The following MN1 variants were observed in gnomAD, a reference collection of about 807,000 sequenced individuals.
MN1 encodes transcriptional activator MN1.
In MN1, 19 loss-of-function variants were observed where a neutral mutation model predicts 86.9. The observed-to-expected ratio is 0.22, with a 90% confidence interval of 0.15 to 0.32. The LOEUF (loss-of-function observed/expected upper bound fraction) is 0.32, where lower values mean the gene tolerates loss of function less well. Ranked by LOEUF, MN1 falls within the 10% of genes least tolerant of loss-of-function variation. MN1 has a pLI of 1.00. For synonymous variants in MN1, 928 were observed against 849.6 expected (o/e 1.09, Z -1.60); for missense variants, 1,841 against 1,862.0 (o/e 0.99, Z 0.21).
At chr22:27,765,492 C>T (rs1457928706) in intron 1 of MN1, among the ~76,000 whole-genome samples, 1 of 152,234 alleles carries the variant, frequency 6.6e-6, no homozygotes, top group African/African-American at 2.4e-5. Flanking sequence ...TCAGCCACGT[C>T]AGGCAGGAGG....
intron 1 of MN1, among the ~76,000 whole-genome samples, chr22:27,790,301 A>G (rs5762355): frequency 0.2 from 30,178 of 152,216 alleles, 3,277 homozygotes; most frequent in Middle Eastern, 0.29. Flanking sequence ...CACACTTGGC[A>G]GGGTATCATC....
chr22:27,753,093 G>A (rs1932779901), intron 1 of MN1, among the ~76,000 whole-genome samples: 3 of 152,356 alleles, frequency 2.0e-5, no homozygotes, highest in South Asian at 4.1e-4. Context: ...ACTCAGCTTT[G>A]GGACCTGCAT....
intron 1 of MN1, among the ~76,000 whole-genome samples, chr22:27,752,841 C>T (rs1385111625): frequency 6.6e-6 from 1 of 152,204 alleles, no homozygotes; most frequent in Non-Finnish European, 1.5e-5. Context: ...GCTGAGGGAG[C>T]ACACCCAGAT....
intron 1 of MN1, among the ~76,000 whole-genome samples, chr22:27,751,870 C>T (rs926449200): frequency 8.5e-5 from 13 of 152,220 alleles, no homozygotes; most frequent in African/African-American, 3.1e-4. Context: ...AAGCGCTCCC[C>T]AGTGCTTTCC....
intron 1 of MN1, among the ~76,000 whole-genome samples, chr22:27,763,961 G>A (rs774750651): frequency 5.8e-4 from 88 of 152,158 alleles, no homozygotes; most frequent in Non-Finnish European, 1.1e-3. Context: ...AAGAGGAGGC[G>A]AGAGGAGCAC....
chr22:27,774,689 A>G (rs1932953972), intron 1 of MN1, among the ~76,000 whole-genome samples: 1 of 152,188 alleles, frequency 6.6e-6, no homozygotes, highest in Non-Finnish European at 1.5e-5. Flanking sequence ...CTTTCTGCGC[A>G]TGAACGGGTT....
rs766298323 is a variant in MN1, at chr22:27,799,833, G to T, written c.711C>A (p.Gly237=). Residue 237 remains glycine, a synonymous_variant, in exon 1 of 2, where the codon GGC becomes GGA. Coordinates refer to ENST00000302326, the MANE Select transcript of MN1 (RefSeq NM_002430.3). ...TGTCAAAATGTCCCGAGGGCGCCTC[G>T]CCCGGGTAATTGTATTCCAGCGAGT... The part of the protein sequence containing the change: ...AVDSLEYNYP[G]EAPSGHFDMF... The T allele has an allele frequency of 6.3e-7, 1 of 1,597,448 alleles. No individual in the cohort carries two copies. The highest frequency in any genetic ancestry group is 1.1e-5 in the South Asian group (1 of 89,070).
intron 1 of MN1, among the ~76,000 whole-genome samples, chr22:27,781,382 T>C (rs901131064): frequency 9.2e-5 from 14 of 152,150 alleles, no homozygotes; most frequent in Admixed American, 3.9e-4. Flanking sequence ...CCTCCACCCA[T>C]CAGGGACCCA....
intron 1 of MN1, among the ~76,000 whole-genome samples, chr22:27,762,661 C>T (rs11090514): frequency 0.043 from 6,504 of 152,126 alleles, 207 homozygotes; most frequent in East Asian, 0.15. Context: ...GGATGCTGTA[C>T]CTCTCTGAGC....
intron 1 of MN1, among the ~76,000 whole-genome samples, chr22:27,760,113 A>G (rs1476293667): frequency 6.6e-6 from 1 of 152,130 alleles, no homozygotes; most frequent in Non-Finnish European, 1.5e-5. Flanking sequence ...ACTTTGTGAG[A>G]CCAAGGTGGG....
chr22:27,764,248 C>G (rs1242261107), intron 1 of MN1, among the ~76,000 whole-genome samples: 1 of 152,180 alleles, frequency 6.6e-6, no homozygotes, highest in Non-Finnish European at 1.5e-5. Flanking sequence ...AGAAACATAG[C>G]CCCTTATTGA....
At chr22:27,771,918 A>T (rs1435766938) in intron 1 of MN1, among the ~76,000 whole-genome samples, 1 of 152,224 alleles carries the variant, frequency 6.6e-6, no homozygotes, top group Non-Finnish European at 1.5e-5. Flanking sequence ...CTGGGGAGGA[A>T]ATCCTATACC....
chr22:27,798,855 C>T lies in MN1; in HGVS notation c.1689G>A (p.Ser563=), dbSNP rs1417150225. ...GGCGCAGCCGCTGCTGCTGATTCCG[C>T]GACGCCATCTGCTTAATCATGAGGG... ...NAALMIKQMA[S]RNQQQRLRQP... The change falls in exon 1 of 2, where the codon TCG becomes TCA. Residue 563 remains serine (S), a synonymous_variant. Transcript: ENST00000302326. 6.5e-7 allele frequency: 1 copy of T among 1,543,324 alleles called. No homozygotes were observed.
At chr22:27,795,510 G>A in intron 1 of MN1, among the ~76,000 whole-genome samples, 1 of 151,926 alleles carries the variant, frequency 6.6e-6, no homozygotes, top group African/African-American at 2.4e-5. Context: ...GGCAAGAATT[G>A]CACTGGGGGG....
chr22:27,751,207 C>T, intron 1 of MN1, 111 bp from the exon 2 acceptor site: 4 of 772,688 alleles, frequency 5.2e-6, no homozygotes, highest in Non-Finnish European at 7.7e-6. Flanking sequence ...TCCACGCCCT[C>T]TTTCCATGGC....
chr22:27,751,086 G>A lies in MN1; in HGVS notation c.3792C>T (p.Leu1264=). ...QNPNSKEAHD[L]PANKASASQP... ...GGGATGCTGAGGCCTTGTTTGCAGG[G>A]AGGTCGTGGGCTGTGGAGAGAGAAG... Residue 1264 remains leucine (L), a synonymous_variant, in exon 2 of 2, where the codon CTC becomes CTT. Transcript: ENST00000302326. 2 of 1,583,618 alleles carry A rather than the reference G, an allele frequency of 1.3e-6. No individual in the cohort carries two copies. Among genetic ancestry groups the A allele is most frequent in the Non-Finnish European group, 1.7e-6 (2 of 1,160,630 alleles).
intron 1 of MN1, among the ~76,000 whole-genome samples, chr22:27,763,915 C>T (rs3819655): frequency 1.3e-5 from 2 of 152,224 alleles, no homozygotes. Flanking sequence ...ACAGAGGAGG[C>T]GGTGTGCAAG....
chr22:27,780,522 C>T (rs77731228), intron 1 of MN1, among the ~76,000 whole-genome samples: 84 of 152,270 alleles, frequency 5.5e-4, no homozygotes, highest in African/African-American at 1.7e-3. Flanking sequence ...ATTTACACCA[C>T]GGGAATCAGC....
At chr22:27,763,032 C>T (rs1932844835) in intron 1 of MN1, among the ~76,000 whole-genome samples, 1 of 152,154 alleles carries the variant, frequency 6.6e-6, no homozygotes, top group Admixed American at 6.5e-5. Flanking sequence ...GATTTCGAGG[C>T]TGCAGTGAGC....
Sources: gnomAD v4.1 joint callset for allele counts (sites outside exome capture counted in the v4.1 genomes callset) on GRCh38, gnomAD v4.1.1 for gene constraint, MANE v1.5 for transcripts, NCBI Gene and HGNC (gene_info 2026-07-23, HGNC 2026-07-21) for gene names.